Variants in DNAL1 observed in about 807,000 individuals in gnomAD.
The protein encoded by DNAL1 is dynein axonemal light chain 1.
DNAL1 carries 17 observed loss-of-function variants against 29.4 expected under a neutral mutation model. The observed-to-expected ratio is 0.58, with a 90% CI of 0.40 to 0.87. The LOEUF is 0.87. Ranked by LOEUF, DNAL1 falls within the 40% of genes least tolerant of loss-of-function variation. The probability of loss-of-function intolerance (pLI) is 0.00; values close to 1 mark genes in which losing one functional copy is unlikely to be tolerated. For synonymous variants in DNAL1, 78 were observed against 76.3 expected (o/e 1.02, Z -0.12); for missense variants, 188 against 214.1 (o/e 0.88, Z 0.76).
intron 2 of DNAL1, 77 bp downstream of exon 2, chr14:73,654,962 T>C (rs1891181921): frequency 7.2e-7 from 1 of 1,384,328 alleles, no homozygotes; most frequent in Non-Finnish European, 9.8e-7. Context: ...TCTAGCTATT[T>C]AATACAAAGG....
chr14:73,655,797 C>T (rs1444831014), intron 2 of DNAL1, among the ~76,000 whole-genome samples: 1 of 151,974 alleles, frequency 6.6e-6, no homozygotes, highest in East Asian at 1.9e-4. Flanking sequence ...CAATGTAAAT[C>T]ATGCATAGAC....
At chr14:73,671,409 T>A in intron 4 of DNAL1, 133 bp from the exon 5 acceptor site, 1 of 1,020,408 alleles carries the variant, frequency 9.8e-7, no homozygotes, top group Non-Finnish European at 1.3e-6. Flanking sequence ...CCATTTTTGT[T>A]AACACAACCT....
intron 4 of DNAL1, among the ~76,000 whole-genome samples, chr14:73,668,764 C>T (rs886666964): frequency 4.6e-5 from 7 of 152,154 alleles, no homozygotes; most frequent in African/African-American, 1.7e-4. Context: ...GCAACCTCCG[C>T]CTCCCAGGTT....
chr14:73,687,589 T>TG (rs1190599217), intron 6 of DNAL1, among the ~76,000 whole-genome samples: 4 of 152,210 alleles, frequency 2.6e-5, no homozygotes, highest in African/African-American at 9.7e-5. Context: ...TTACTTAGGA[T>TG]GGACCGGGCG....
At chr14:73,664,186 G>A (rs149613660) in intron 4 of DNAL1, among the ~76,000 whole-genome samples, 219 of 152,320 alleles carry the variant, frequency 1.4e-3, no homozygotes, top group Non-Finnish European at 2.2e-3. Flanking sequence ...GCCTGTAGCT[G>A]TGATTTTTCA....
intron 4 of DNAL1, among the ~76,000 whole-genome samples, chr14:73,668,500 G>T (rs867789778): frequency 6.6e-6 from 1 of 152,112 alleles, no homozygotes; most frequent in Non-Finnish European, 1.5e-5. Flanking sequence ...ATAGTTATAT[G>T]GGATATATTA....
chr14:73,668,294 G>C (rs1891535788), intron 4 of DNAL1, among the ~76,000 whole-genome samples: 1 of 152,082 alleles, frequency 6.6e-6, no homozygotes, highest in South Asian at 2.1e-4. Context: ...TGTATTATTT[G>C]CTGTAATATT....
At chr14:73,682,337 AT>A (rs57403758) in intron 5 of DNAL1, among the ~76,000 whole-genome samples, 13,502 of 93,230 alleles carry the variant, frequency 0.14, 805 homozygotes, top group East Asian at 0.42. Flanking sequence ...TGCCTGGCTA[AT>A]TTTTTTTTTT....
chr14:73,672,640 G>T (rs1325150037), intron 5 of DNAL1, among the ~76,000 whole-genome samples: 1 of 150,782 alleles, frequency 6.6e-6, no homozygotes, highest in African/African-American at 2.4e-5. Flanking sequence ...ATTCTTAAGG[G>T]TCAGATTCTG....
intron 5 of DNAL1, among the ~76,000 whole-genome samples, chr14:73,684,407 C>T (rs1891962725): frequency 6.6e-6 from 1 of 152,090 alleles, no homozygotes; most frequent in Admixed American, 6.6e-5. Flanking sequence ...CTCTTTAACA[C>T]CCTTCCTGTT....
intron 7 of DNAL1, 61 bp from the exon 8 acceptor site, chr14:73,695,841 T>G: frequency 7.0e-7 from 1 of 1,437,594 alleles, no homozygotes; most frequent in Middle Eastern, 1.8e-4. Context: ...GAAAATATTT[T>G]CATCTAGAAT....
chr14:73,699,664 TCTC>T lies in DNAL1; in HGVS notation c.*3723_*3725del, dbSNP rs1892385695. On this transcript the variant is annotated 3_prime_UTR_variant, in exon 8 of 8. Transcript: ENST00000553645. ...AAACTCAGGGCTGGAAGGTTCAACT[TCTC>T]TTTTTTGAAGCAGGGTCTCAACTTT... The T allele has an allele frequency of 6.6e-6, 1 of 152,150 alleles. No individual in the cohort carries two copies. Among genetic ancestry groups the T allele is most frequent in the Non-Finnish European group, 1.5e-5 (1 of 68,024 alleles). 9.4% of individuals were successfully genotyped at this position (152,150 alleles called of 1,614,324 possible).
In DNAL1 at chr14:73,696,002, TTA is replaced by T. The variant is rs1192628059; in HGVS notation, c.*65_*66del. On this transcript the variant is annotated 3_prime_UTR_variant, in exon 8 of 8. Coordinates refer to ENST00000553645, the MANE Select transcript of DNAL1 (RefSeq NM_031427.4). ...ATGTCATAAGAACAATAGATAAATTTTATATAATTGTCTATTTTAAAGATTCT... is the reference window on the plus strand; with the variant it reads ...ATGTCATAAGAACAATAGATAAATTTTATAATTGTCTATTTTAAAGATTCT... The T allele has an allele frequency of 7.0e-7, 1 of 1,438,328 alleles. No homozygotes were observed. The highest frequency in any genetic ancestry group is 9.5e-7 in the Non-Finnish European group (1 of 1,055,440). 89.1% of individuals were successfully genotyped at this position (1,438,328 alleles called of 1,614,324 possible). A position where few individuals can be genotyped will look rare whatever the true frequency, so the allele number is the denominator to read the frequency against.
At position 73,696,864 on chromosome 14, in the gene DNAL1, A is replaced by AT. The variant is rs1892312149; in HGVS notation, c.*923dup. ...GTTGGGAAAAGTGACTACCATGGTTATAAGTAAGGGTATAATGAAACTTAG... is the reference window on the plus strand; with the variant it reads ...GTTGGGAAAAGTGACTACCATGGTTATTAAGTAAGGGTATAATGAAACTTAG... On this transcript the variant is annotated 3_prime_UTR_variant, in exon 8 of 8. Transcript: ENST00000553645. The AT allele has an allele frequency of 6.6e-6, 1 of 152,242 alleles. No homozygotes were observed. The allele number at this position is 152,242 out of a possible 1,614,324, so 9.4% of individuals were successfully genotyped here. A position where few individuals can be genotyped will look rare whatever the true frequency, so the allele number is the denominator to read the frequency against.
At chr14:73,670,429 A>T (rs1191601288) in intron 4 of DNAL1, among the ~76,000 whole-genome samples, 2 of 152,348 alleles carry the variant, frequency 1.3e-5, no homozygotes, top group East Asian at 3.9e-4. Flanking sequence ...TAAGTTATGA[A>T]AATTAAATAT....
Position 73,671,601 on chromosome 14 carries a change from G to C in DNAL1, c.264+4G>C, listed in dbSNP as rs773731641. 2 of 1,458,234 alleles carry C rather than the reference G, an allele frequency of 1.4e-6. No individual in the cohort carries two copies. Among genetic ancestry groups the C allele is most frequent in the Non-Finnish European group, 1.8e-6 (2 of 1,096,916 alleles). 90.3% of individuals were successfully genotyped at this position (1,458,234 alleles called of 1,614,324 possible). ...CATAAAGAACTTAAATGGACTGGTA[G>C]GTTGTTATTTATTATTATTTTATTT... On this transcript the variant is annotated splice_donor_region_variant and intron_variant, in intron 5 of 7. Coordinates refer to ENST00000553645, the MANE Select transcript of DNAL1 (RefSeq NM_031427.4).
At chr14:73,672,651 G>C (rs998524820) in intron 5 of DNAL1, among the ~76,000 whole-genome samples, 10 of 151,012 alleles carry the variant, frequency 6.6e-5, no homozygotes, top group African/African-American at 1.2e-4. Flanking sequence ...TCAGATTCTG[G>C]GATTAAATAA....
At chr14:73,691,800 T>A (rs1229107860) in intron 7 of DNAL1, among the ~76,000 whole-genome samples, 1 of 150,474 alleles carries the variant, frequency 6.6e-6, no homozygotes, top group African/African-American at 2.5e-5. Context: ...TTCAAGCGAT[T>A]CTCCTGCCTC....
At position 73,689,481 on chromosome 14, in the gene DNAL1, A is replaced by T. The variant is rs770681880; in HGVS notation, c.498A>T (p.Ala166=). 1.3e-5 allele frequency: 21 copies of T among 1,585,104 alleles called. No homozygotes were observed. In the East Asian group the frequency reaches 4.3e-4, roughly 33 times the overall value. The change falls in exon 7 of 8, where the codon GCA becomes GCT. Residue 166 remains alanine, a synonymous_variant. Coordinates refer to ENST00000553645, the MANE Select transcript of DNAL1 (RefSeq NM_031427.4). ...HSAENNWIEE[A]TKRVPKLKKL... Reference sequence around the variant, plus strand: ...CTGAGAATAACTGGATTGAAGAAGCAACCAAGAGAGTGCCCAAACTGAAAA... The same window carrying T: ...CTGAGAATAACTGGATTGAAGAAGCTACCAAGAGAGTGCCCAAACTGAAAA...
Sources: gnomAD v4.1 joint callset for allele counts (sites outside exome capture counted in the v4.1 genomes callset) on GRCh38, gnomAD v4.1.1 for gene constraint, MANE v1.5 for transcripts, NCBI Gene and HGNC (gene_info 2026-07-23, HGNC 2026-07-21) for gene names.